ANKFN1: variants seen among roughly 807,000 people sequenced by gnomAD.
ANKFN1 encodes ankyrin repeat and fibronectin type III domain containing 1, also known as ankyrin repeat and fibronectin type-III domain-containing protein 1.
ANKFN1 carries 74 observed loss-of-function variants against 108.7 expected under a neutral mutation model. The observed-to-expected ratio is 0.68, with a 90% CI of 0.56 to 0.83. The LOEUF (loss-of-function observed/expected upper bound fraction) is 0.83, where lower values mean the gene tolerates loss of function less well. ANKFN1 is among the 40% of genes least tolerant of loss of function. The pLI, the probability that ANKFN1 is intolerant of heterozygous loss-of-function variation, is 0.00. For missense variants in ANKFN1, 1,505 were observed against 1,382.3 expected, an observed-to-expected ratio of 1.09 and a Z score of -1.41; for synonymous variants, 547 against 516.2, an observed-to-expected ratio of 1.06 and a Z score of -0.81.
intron 4 of ANKFN1, among the ~76,000 whole-genome samples, chr17:56,083,483 AAGAGAG>A (rs146207297): frequency 2.6e-5 from 4 of 151,330 alleles, no homozygotes; most frequent in Non-Finnish European, 5.9e-5. Flanking sequence ...GAGAGGAAGA[AAGAGAG>A]AGAGAGAAAA....
At chr17:56,286,203 C>T (rs1310211092) in intron 3 of ANKFN1, among the ~76,000 whole-genome samples, 1 of 152,124 alleles carries the variant, frequency 6.6e-6, no homozygotes, top group Non-Finnish European at 1.5e-5. Context: ...GCTCCCCTGG[C>T]AGGATGAATC....
intron 4 of ANKFN1, among the ~76,000 whole-genome samples, chr17:56,098,436 ACACGCG>A (rs57269749): frequency 0.059 from 8,900 of 151,114 alleles, 865 homozygotes; most frequent in African/African-American, 0.2. Flanking sequence ...ACACACACAC[ACACGCG>A]CGCGCACATA....
intron 8 of ANKFN1, among the ~76,000 whole-genome samples, chr17:56,409,376 T>C (rs1378008795): frequency 2.0e-5 from 3 of 152,200 alleles, no homozygotes; most frequent in Non-Finnish European, 4.4e-5. Context: ...TCATTCTTCC[T>C]GCTAAATGCA....
intron 4 of ANKFN1, among the ~76,000 whole-genome samples, chr17:56,343,556 T>C (rs1202434728): frequency 6.6e-6 from 1 of 151,960 alleles, no homozygotes; most frequent in Non-Finnish European, 1.5e-5. Context: ...TGGTTTGATT[T>C]TGATGTATCT....
At chr17:56,490,195 G>T (rs1568045464) in intron 18 of ANKFN1, among the ~76,000 whole-genome samples, 4 of 152,140 alleles carry the variant, frequency 2.6e-5, no homozygotes, top group African/African-American at 9.7e-5. Flanking sequence ...AAACACATAA[G>T]TACAATGTAG....
chr17:56,248,558 C>A (rs2043167265), intron 3 of ANKFN1, among the ~76,000 whole-genome samples: 1 of 152,098 alleles, frequency 6.6e-6, no homozygotes, highest in African/African-American at 2.4e-5. Flanking sequence ...TATTATGAGG[C>A]TTACATTACT....
At chr17:56,210,093 G>C (rs1293903277) in intron 1 of ANKFN1, among the ~76,000 whole-genome samples, 2 of 152,050 alleles carry the variant, frequency 1.3e-5, no homozygotes, top group Non-Finnish European at 2.9e-5. Flanking sequence ...TAGATAGATA[G>C]ATAGATAGAT....
chr17:56,199,703 G>A (rs549189823), intron 1 of ANKFN1, among the ~76,000 whole-genome samples: 9 of 152,196 alleles, frequency 5.9e-5, no homozygotes, highest in African/African-American at 1.4e-4. Context: ...AGGCAGGGTC[G>A]CCAGATAAAA....
At chr17:56,156,148 T>C (rs1225925435) in intron 1 of ANKFN1, among the ~76,000 whole-genome samples, 1 of 151,736 alleles carries the variant, frequency 6.6e-6, no homozygotes, top group Non-Finnish European at 1.5e-5. Context: ...GGTGCAATCT[T>C]GGCTCACTAC....
rs779427066 is a variant in ANKFN1 at position 56,514,954 on chromosome 17, C to T, written c.*3685C>T. ...GCCCTGGTGAGTTTGGAGCTCTTCC[C>T]TTGAAGATAACTCTGTTAGACGAGG... is the stretch of plus-strand genomic sequence containing the variant. On this transcript the variant is annotated 3_prime_UTR_variant, in exon 21 of 21. Coordinates refer to ENST00000682825, the MANE Select transcript of ANKFN1 (RefSeq NM_001370326.1). Among the ~76,000 whole-genome samples, 5 of 152,068 alleles carry T rather than the reference C, an allele frequency of 3.3e-5. No individual in the cohort carries two copies. Among genetic ancestry groups the T allele is most frequent in the African/African-American group, 4.8e-5 (2 of 41,424 alleles).
chr17:56,151,846 C>G (rs977387121), upstream of ANKFN1, among the ~76,000 whole-genome samples: 1 of 152,182 alleles, frequency 6.6e-6, no homozygotes, highest in Non-Finnish European at 1.5e-5. Flanking sequence ...AGATACTATA[C>G]CTTCACCTTG....
At chr17:56,469,592 C>T (rs57039780) in intron 15 of ANKFN1, among the ~76,000 whole-genome samples, 4,700 of 152,116 alleles carry the variant, frequency 0.031, 212 homozygotes, top group African/African-American at 0.11. Context: ...ATACCGACTC[C>T]ACCCTTTCTG....
chr17:56,366,753 G>A (rs886756456), intron 6 of ANKFN1, among the ~76,000 whole-genome samples: 3 of 152,176 alleles, frequency 2.0e-5, no homozygotes, highest in Admixed American at 1.3e-4. Context: ...CTGGCTGTGT[G>A]GTAGGCTATG....
At chr17:56,355,925 C>T (rs1200169400) in intron 6 of ANKFN1, among the ~76,000 whole-genome samples, 1 of 152,086 alleles carries the variant, frequency 6.6e-6, no homozygotes, top group African/African-American at 2.4e-5. Context: ...AACATCATAC[C>T]ATTGACTATT....
chr17:56,188,575 GTGTGTGTA>G (rs1567825728), intron 1 of ANKFN1, among the ~76,000 whole-genome samples: 319 of 88,150 alleles, frequency 3.6e-3, no homozygotes, highest in African/African-American at 0.014. Flanking sequence ...GTGTGTGTGT[GTGTGTGTA>G]TATATATATA....
chr17:56,068,704 C>T (rs973547266), intron 4 of ANKFN1, among the ~76,000 whole-genome samples: 1 of 152,196 alleles, frequency 6.6e-6, no homozygotes. Flanking sequence ...TAATCTTTTT[C>T]ATATTGTATT....
intron 8 of ANKFN1, among the ~76,000 whole-genome samples, chr17:56,412,772 T>G (rs2048130698): frequency 1.3e-5 from 2 of 152,326 alleles, no homozygotes; most frequent in East Asian, 3.9e-4. Flanking sequence ...TTATTGCACC[T>G]CAGCTTACAG....
intron 4 of ANKFN1, among the ~76,000 whole-genome samples, chr17:56,053,289 C>T (rs1264776901): frequency 6.6e-6 from 1 of 152,076 alleles, no homozygotes; most frequent in East Asian, 1.9e-4. Context: ...CTTTATCCCC[C>T]ACCCCACCTC....
rs532681050 is a variant in ANKFN1, at chr17:56,380,487, C to T, written c.910+5773C>T. Among the ~76,000 whole-genome samples the T allele has an allele frequency of 3.3e-5, 5 of 152,342 alleles. No individual in the cohort carries two copies. In the East Asian group the frequency reaches 9.7e-4, roughly 29 times the overall value. On this transcript the variant is annotated intron_variant, in intron 8 of 20. Coordinates refer to ENST00000682825, the MANE Select transcript of ANKFN1 (RefSeq NM_001370326.1). ...CGAGCCAAAGCAGGATGAGGCATTGCCTCACTCGGGAAGCACAAGGAGTCA... is the reference window on the plus strand; with the variant it reads ...CGAGCCAAAGCAGGATGAGGCATTGTCTCACTCGGGAAGCACAAGGAGTCA...
Sources: allele counts gnomAD v4.1 joint callset (sites outside exome capture counted in the v4.1 genomes callset), GRCh38; gene constraint gnomAD v4.1.1; transcripts MANE v1.5; gene names NCBI Gene and HGNC (gene_info 2026-07-23, HGNC 2026-07-21).